The following ARFGEF2 variants were observed in gnomAD, a reference collection of about 807,000 sequenced individuals.
ARFGEF2 encodes the protein brefeldin A-inhibited guanine nucleotide-exchange protein 2.
In ARFGEF2, 74 loss-of-function variants were observed where a neutral mutation model predicts 219.9. The observed-to-expected ratio is 0.34, with a 90% CI of 0.28 to 0.41. The LOEUF (loss-of-function observed/expected upper bound fraction) is 0.41, where lower values mean the gene tolerates loss of function less well. ARFGEF2 is among the 10% of genes least tolerant of loss of function. The pLI, the probability that ARFGEF2 is intolerant of heterozygous loss-of-function variation, is 1.00. For missense variants in ARFGEF2, 1,743 were observed against 2,218.3 expected, an observed-to-expected ratio of 0.79 and a Z score of 4.30; for synonymous variants, 733 against 799.2, an observed-to-expected ratio of 0.92 and a Z score of 1.40.
intron 22 of ARFGEF2, 133 bp downstream of exon 22, chr20:48,994,731 A>G: frequency 7.5e-7 from 1 of 1,326,386 alleles, no homozygotes. Context: ...TCATGAATGC[A>G]AGTGGACGTG....
chr20:48,997,554 T>C (rs1471062911), intron 23 of ARFGEF2, among the ~76,000 whole-genome samples: 1 of 152,236 alleles, frequency 6.6e-6, no homozygotes, highest in Non-Finnish European at 1.5e-5. Flanking sequence ...ATTGCAGGCA[T>C]GAGCCACTGC....
chr20:48,967,544 C>A (rs543514086), intron 8 of ARFGEF2, among the ~76,000 whole-genome samples: 4 of 152,302 alleles, frequency 2.6e-5, no homozygotes, highest in Non-Finnish European at 2.9e-5. Context: ...GCTGGAGGAT[C>A]GCTTGAGCCC....
chr20:48,976,243 A>G (rs763242748), intron 14 of ARFGEF2, 44 bp downstream of exon 14: 6 of 1,607,928 alleles, frequency 3.7e-6, no homozygotes, highest in East Asian at 2.2e-5. Context: ...TAGCAAAGCC[A>G]TATTTTCTCT....
chr20:48,998,595 CTGTTTTT>C, intron 25 of ARFGEF2, 90 bp downstream of exon 25: 1 of 1,425,826 alleles, frequency 7.0e-7, no homozygotes, highest in Non-Finnish European at 9.6e-7. Flanking sequence ...ATAATTTGCC[CTGTTTTT>C]TAGATGCCTC....
intron 1 of ARFGEF2, among the ~76,000 whole-genome samples, chr20:48,922,648 GC>G (rs1349740647): frequency 6.6e-6 from 1 of 152,236 alleles, no homozygotes; most frequent in Non-Finnish European, 1.5e-5. Context: ...CCTTGCGCTT[GC>G]AACAGTGCCT....
intron 1 of ARFGEF2, among the ~76,000 whole-genome samples, chr20:48,927,103 A>G (rs2090882345): frequency 6.6e-6 from 1 of 152,004 alleles, no homozygotes; most frequent in Non-Finnish European, 1.5e-5. Context: ...AAAGAGGAAG[A>G]AGGAGTGGCT....
At chr20:48,988,172 G>T (rs752771989) in intron 16 of ARFGEF2, 132 bp from the exon 17 acceptor site, 4 of 704,982 alleles carry the variant, frequency 5.7e-6, no homozygotes, top group East Asian at 5.5e-5. Context: ...TGATGAAAGC[G>T]TAAAAACTCT....
At chr20:48,977,041 A>G (rs945765762) in intron 14 of ARFGEF2, among the ~76,000 whole-genome samples, 2 of 151,272 alleles carry the variant, frequency 1.3e-5, no homozygotes, top group African/African-American at 2.4e-5. Context: ...GGTTTGTTAC[A>G]TAGGTATACA....
rs2123504099 is a variant in ARFGEF2 at position 49,006,265 on chromosome 20, G to C, written c.3584+1044G>C. 2.0e-5 allele frequency among the ~76,000 whole-genome samples: 3 copies of C among 152,226 alleles called. No homozygotes were observed. The South Asian group carries it at 6.2e-4, about 32-fold the overall frequency. On this transcript the variant is annotated intron_variant, in intron 26 of 38. Coordinates refer to ENST00000371917, the MANE Select transcript of ARFGEF2 (RefSeq NM_006420.3). ...GCCAAGATCACACCATTGCACTCCA[G>C]CCTGGGCAACAAGAGCGAAATGCTG... is the stretch of plus-strand genomic sequence containing the variant.
chr20:48,928,654 C>G (rs1327466099), intron 1 of ARFGEF2, among the ~76,000 whole-genome samples: 1 of 149,656 alleles, frequency 6.7e-6, no homozygotes, highest in African/African-American at 2.5e-5. Context: ...GCCACCACAC[C>G]CAGCTAATTT....
rs777275763 is a variant in ARFGEF2, at chr20:49,033,232, C to T, written c.*33C>T. 30 of 1,611,642 alleles carry T rather than the reference C, an allele frequency of 1.9e-5. No homozygotes were observed. The highest frequency in any genetic ancestry group is 2.5e-5 in the Non-Finnish European group (29 of 1,178,184). On this transcript the variant is annotated 3_prime_UTR_variant, in exon 39 of 39. Coordinates refer to ENST00000371917, the MANE Select transcript of ARFGEF2 (RefSeq NM_006420.3). ...TGCCCAGGCCAGTGCTGCAGCTCTG[C>T]AGAATGTTCAGCATGCCATTTCTGA...
chr20:49,025,453 C>T lies in ARFGEF2; in HGVS notation c.4896C>T (p.Tyr1632=), dbSNP rs746008887. The change falls in exon 36 of 39, where the codon TAC becomes TAT. Residue 1632 remains tyrosine (Y), a synonymous_variant. Coordinates refer to ENST00000371917, the MANE Select transcript of ARFGEF2 (RefSeq NM_006420.3). ...HSFSKAFNSN[Y]EQRTVLWRAG... ...TCTCAAAGGCCTTCAACTCCAATTA[C>T]GAGCAGCGGACTGTCCTGTGGCGAG... is the stretch of plus-strand genomic sequence containing the variant. The T allele has an allele frequency of 1.5e-5, 25 of 1,614,044 alleles. No homozygotes were observed. The highest frequency in any genetic ancestry group is 1.9e-5 in the Non-Finnish European group (23 of 1,179,966).
chr20:49,021,426 A>G (rs2091564252), intron 34 of ARFGEF2, among the ~76,000 whole-genome samples: 1 of 152,212 alleles, frequency 6.6e-6, no homozygotes, highest in Non-Finnish European at 1.5e-5. Context: ...AAACCAGTGA[A>G]CACTTATGAT....
chr20:49,024,183 G>A (rs1292676722), intron 35 of ARFGEF2, among the ~76,000 whole-genome samples: 2 of 151,958 alleles, frequency 1.3e-5, no homozygotes, highest in Non-Finnish European at 2.9e-5. Context: ...ATGTTGCCCA[G>A]CCTGGTCTCA....
intron 1 of ARFGEF2, among the ~76,000 whole-genome samples, chr20:48,930,863 T>C (rs947563362): frequency 6.6e-5 from 10 of 152,148 alleles, no homozygotes; most frequent in African/African-American, 2.4e-4. Context: ...CCTCCAGGCC[T>C]TTTCTGGCTG....
intron 6 of ARFGEF2, among the ~76,000 whole-genome samples, chr20:48,959,518 C>T (rs1368800439): frequency 2.3e-5 from 1 of 42,898 alleles, no homozygotes; most frequent in East Asian, 8.8e-4. Flanking sequence ...TCCTTTCCAC[C>T]CTCCCTCTTT....
chr20:49,016,249 G>C (rs376093637), intron 30 of ARFGEF2, 31 bp from the exon 31 acceptor site: 52 of 1,611,954 alleles, frequency 3.2e-5, no homozygotes, highest in Non-Finnish European at 4.3e-5. Context: ...AGGGAGAATA[G>C]CTTTTAAGTG....
chr20:48,989,473 G>A, intron 19 of ARFGEF2, 37 bp downstream of exon 19: 5 of 1,614,228 alleles, frequency 3.1e-6, no homozygotes, highest in Non-Finnish European at 4.2e-6. Flanking sequence ...ATGTGGCTAA[G>A]CCTGATTCTG....
At chr20:48,993,560 A>G (rs1213487589) in intron 21 of ARFGEF2, among the ~76,000 whole-genome samples, 1 of 152,220 alleles carries the variant, frequency 6.6e-6, no homozygotes, top group Non-Finnish European at 1.5e-5. Context: ...GTAAAAAGCA[A>G]CACTGAAGTT....
Sources: gnomAD v4.1 joint callset for allele counts (sites outside exome capture counted in the v4.1 genomes callset) on GRCh38, gnomAD v4.1.1 for gene constraint, MANE v1.5 for transcripts, NCBI Gene and HGNC (gene_info 2026-07-23, HGNC 2026-07-21) for gene names.